CDH10: variants seen among roughly 807,000 people sequenced by gnomAD.
The protein encoded by CDH10 is cadherin 10.
A neutral mutation model predicts 73.1 loss-of-function variants in CDH10; 30 were observed. The ratio of observed to expected loss-of-function variants is 0.41; its 90% CI spans 0.31 to 0.56. CDH10 has a LOEUF of 0.56. Among genes scored for constraint, CDH10 ranks in the 20% least tolerant of loss-of-function variants. The pLI is 0.27. For synonymous variants in CDH10, 345 were observed against 348.2 expected, an observed-to-expected ratio of 0.99 and a Z score of 0.10; for missense variants, 815 against 973.7, an observed-to-expected ratio of 0.84 and a Z score of 2.17.
At chr5:24,631,440 A>G (rs1300170885) in intron 1 of CDH10, among the ~76,000 whole-genome samples, 2 of 152,036 alleles carry the variant, frequency 1.3e-5, no homozygotes, top group Non-Finnish European at 2.9e-5. Flanking sequence ...ATCAATTAAG[A>G]AAAATATATT....
At chr5:24,632,262 T>C (rs1747726053) in intron 1 of CDH10, among the ~76,000 whole-genome samples, 1 of 152,092 alleles carries the variant, frequency 6.6e-6, no homozygotes, top group Non-Finnish European at 1.5e-5. Context: ...CCCTAAAATA[T>C]AGCACTAAAT....
At chr5:24,515,078 T>C (rs1206778948) in intron 5 of CDH10, among the ~76,000 whole-genome samples, 1 of 152,114 alleles carries the variant, frequency 6.6e-6, no homozygotes, top group African/African-American at 2.4e-5. Flanking sequence ...ACTCAAATCC[T>C]TGTATTCCTG....
Position 24,592,285 on chromosome 5 carries a change from T to C in CDH10, c.231+975A>G, listed in dbSNP as rs193180142. ...ACAATTTTAATTATTTGAATGAAGA[T>C]ATTATAGTTAAGGTTAATGCAAGAA... On this transcript the variant is annotated intron_variant, in intron 2 of 11. Coordinates refer to ENST00000264463, the MANE Select transcript of CDH10 (RefSeq NM_006727.5). 2.0e-5 allele frequency among the ~76,000 whole-genome samples: 3 copies of C among 151,932 alleles called. No individual in the cohort carries two copies. The East Asian group carries it at 5.8e-4, about 29-fold the overall frequency.
chr5:24,588,977 A>C (rs1746112320), intron 2 of CDH10, among the ~76,000 whole-genome samples: 1 of 152,104 alleles, frequency 6.6e-6, no homozygotes, highest in African/African-American at 2.4e-5. Flanking sequence ...AGGACATGGG[A>C]ATATTTGTTG....
intron 8 of CDH10, chr5:24,499,491 G>A (rs1306733360): frequency 6.6e-6 from 1 of 152,484 alleles, no homozygotes; most frequent in Non-Finnish European, 1.5e-5. Context: ...TTCGAGACCA[G>A]CCTGGCCAAC....
intron 2 of CDH10, among the ~76,000 whole-genome samples, chr5:24,548,590 G>A (rs1744431537): frequency 6.8e-6 from 1 of 146,612 alleles, no homozygotes; most frequent in African/African-American, 2.5e-5. Context: ...TTTGTTTACT[G>A]ATTATAAATG....
intron 2 of CDH10, among the ~76,000 whole-genome samples, chr5:24,555,505 T>C (rs946228982): frequency 6.6e-6 from 1 of 152,152 alleles, no homozygotes; most frequent in Non-Finnish European, 1.5e-5. Context: ...ATAAGTTTCA[T>C]GCTAGTATCA....
intron 2 of CDH10, among the ~76,000 whole-genome samples, chr5:24,585,441 C>A (rs913630032): frequency 6.6e-6 from 1 of 152,036 alleles, no homozygotes; most frequent in East Asian, 1.9e-4. Flanking sequence ...ACAACAACAA[C>A]AACGGAGTTT....
intron 7 of CDH10, among the ~76,000 whole-genome samples, chr5:24,509,065 C>G (rs1331092236): frequency 6.6e-6 from 1 of 152,018 alleles, no homozygotes; most frequent in Admixed American, 6.6e-5. Flanking sequence ...CAAAAACATT[C>G]AGAGGCAATT....
intron 2 of CDH10, among the ~76,000 whole-genome samples, chr5:24,592,981 C>T (rs908756769): frequency 1.1e-4 from 16 of 151,544 alleles, no homozygotes; most frequent in Admixed American, 7.9e-4. Context: ...ACTATCATTG[C>T]TTTCTAACCA....
chr5:24,491,607 G>A lies in CDH10; in HGVS notation c.1845C>T (p.Ile615=), dbSNP rs756815430. 7.4e-6 allele frequency: 12 copies of A among 1,613,348 alleles called. No homozygotes were observed. Among genetic ancestry groups the A allele is most frequent in the Non-Finnish European group, 1.0e-5 (12 of 1,179,648 alleles). The change falls in exon 11 of 12, where the codon ATC becomes ATT. Residue 615 remains isoleucine, a synonymous_variant. Coordinates refer to ENST00000264463, the MANE Select transcript of CDH10 (RefSeq NM_006727.5). ...LPAGLSTGAL[I]AILLCIIILL... ...GAATGATGATGCAGAGGAGGATGGC[G>A]ATCAAGGCCCCAGTGCTGAGGCCGG...
intron 1 of CDH10, among the ~76,000 whole-genome samples, chr5:24,617,035 A>G (rs1747153962): frequency 6.6e-6 from 1 of 152,176 alleles, no homozygotes; most frequent in Non-Finnish European, 1.5e-5. Flanking sequence ...AGTTATTACG[A>G]AAGGGAATGG....
At chr5:24,526,419 T>C (rs1307984898) in intron 5 of CDH10, among the ~76,000 whole-genome samples, 1 of 151,956 alleles carries the variant, frequency 6.6e-6, no homozygotes, top group Non-Finnish European at 1.5e-5. Flanking sequence ...ATTTTACATG[T>C]CTATTTTCAC....
intron 2 of CDH10, among the ~76,000 whole-genome samples, chr5:24,586,691 C>A (rs547146864): frequency 6.6e-6 from 1 of 151,612 alleles, no homozygotes; most frequent in African/African-American, 2.4e-5. Context: ...GTGATCCACC[C>A]GCCTTGACCT....
At chr5:24,493,008 A>G (rs1359997194) in intron 9 of CDH10, 83 bp from the exon 10 acceptor site, 3 of 661,882 alleles carry the variant, frequency 4.5e-6, no homozygotes, top group Non-Finnish European at 8.2e-6. Flanking sequence ...ATTTTGTCTG[A>G]AGTTGTTCAA....
intron 1 of CDH10, among the ~76,000 whole-genome samples, chr5:24,625,970 T>C (rs1209937028): frequency 1.3e-5 from 2 of 152,224 alleles, no homozygotes; most frequent in East Asian, 3.9e-4. Flanking sequence ...TTATCATGAT[T>C]CCTACTGCTA....
intron 1 of CDH10, among the ~76,000 whole-genome samples, chr5:24,617,467 T>A (rs2112159515): frequency 6.6e-6 from 1 of 152,312 alleles, no homozygotes; most frequent in South Asian, 2.1e-4. Context: ...TGATCATTAG[T>A]AAAATTTGCT....
chr5:24,590,867 A>G (rs1269276455), intron 2 of CDH10, among the ~76,000 whole-genome samples: 1 of 151,994 alleles, frequency 6.6e-6, no homozygotes, highest in Non-Finnish European at 1.5e-5. Context: ...TAGTGATTGG[A>G]ACACATATTA....
intron 2 of CDH10, among the ~76,000 whole-genome samples, chr5:24,560,210 G>A (rs1393494261): frequency 8.3e-4 from 29 of 35,024 alleles, no homozygotes; most frequent in East Asian, 3.1e-3. Context: ...TTGTGTGTGT[G>A]TGTGTGTGTG....
Sources: allele counts gnomAD v4.1 joint callset (sites outside exome capture counted in the v4.1 genomes callset), GRCh38; gene constraint gnomAD v4.1.1; transcripts MANE v1.5; gene names NCBI Gene and HGNC (gene_info 2026-07-23, HGNC 2026-07-21).